The following RALGAPB variants were observed in gnomAD, a reference collection of about 807,000 sequenced individuals.
RALGAPB encodes the protein ral GTPase-activating protein subunit beta.
In RALGAPB, 25 loss-of-function variants were observed where a neutral mutation model predicts 161.1. The ratio of observed to expected loss-of-function variants is 0.16; its 90% CI spans 0.11 to 0.22. The LOEUF (loss-of-function observed/expected upper bound fraction) is 0.22. Among genes scored for constraint, RALGAPB ranks in the 10% least tolerant of loss-of-function variants. The pLI, the probability that RALGAPB is intolerant of heterozygous loss-of-function variation, is 1.00. For missense variants in RALGAPB, 1,391 were observed against 1,815.2 expected (o/e 0.77, Z 4.25); for synonymous variants, 629 against 626.1 (o/e 1.00, Z -0.07).
chr20:38,547,030 A>G (rs1353340317), intron 19 of RALGAPB: 6 of 152,338 alleles, frequency 3.9e-5, no homozygotes, highest in African/African-American at 1.4e-4. Context: ...CAGTTCTAAC[A>G]TGTGTTTTCC....
chr20:38,551,032 G>A, intron 20 of RALGAPB, 39 bp from the exon 21 acceptor site: 1 of 1,603,426 alleles, frequency 6.2e-7, no homozygotes, highest in Non-Finnish European at 8.5e-7. Flanking sequence ...ATGGGTATTG[G>A]ACCCTGTGTA....
chr20:38,528,114 A>G (rs2086527272), intron 13 of RALGAPB, among the ~76,000 whole-genome samples: 1 of 152,114 alleles, frequency 6.6e-6, no homozygotes. Flanking sequence ...TTATTTTGTA[A>G]TTTTTGTTTT....
Position 38,546,309 on chromosome 20 carries a change from T to C in RALGAPB, c.2781T>C (p.Asn927=). The C allele has an allele frequency of 6.2e-7, 1 of 1,614,178 alleles. No individual in the cohort carries two copies. The highest frequency in any genetic ancestry group is 1.7e-5 in the Admixed American group (1 of 60,022). ...CTGCCTCTCCTTGTAGTCTTGTGAA[T>C]GAGACCACTTTGATTAAATACTCCA... ...SGPASPCSLV[N]ETTLIKYSRL... Residue 927 remains asparagine, a synonymous_variant, in exon 19 of 30, where the codon AAT becomes AAC. Coordinates refer to ENST00000262879, the MANE Select transcript of RALGAPB (RefSeq NM_020336.4).
At position 38,510,763 on chromosome 20, in the gene RALGAPB, A is replaced by T. The variant is rs2085918462; in HGVS notation, c.872+1555A>T. On this transcript the variant is annotated intron_variant, in intron 6 of 29. Transcript: ENST00000262879. ...GTCTCTACTAAAAATACAAAAAATT[A>T]GCCGGGCGTAGTGGCGGGCGCCTGT... Among the ~76,000 whole-genome samples the T allele has an allele frequency of 2.1e-5, 3 of 141,066 alleles. 1 individual carries two copies. Among genetic ancestry groups the T allele is most frequent in the African/African-American group, 9.6e-5 (3 of 31,246 alleles). 92.5% of individuals were successfully genotyped at this position (141,066 alleles called of 152,430 possible). A position where few individuals can be genotyped will look rare whatever the true frequency, so the allele number is the denominator to read the frequency against.
chr20:38,534,150 A>C (rs1311067447), intron 15 of RALGAPB, among the ~76,000 whole-genome samples: 11 of 151,932 alleles, frequency 7.2e-5, no homozygotes, highest in Middle Eastern at 3.4e-3. Flanking sequence ...AAAAAAAAAA[A>C]AAAAAACAGA....
chr20:38,478,317 T>C (rs2084865586), intron 1 of RALGAPB, among the ~76,000 whole-genome samples: 2 of 152,244 alleles, frequency 1.3e-5, no homozygotes. Flanking sequence ...CTGTCTTACC[T>C]AACCTTCTAG....
At chr20:38,483,505 A>C (rs918058259) in intron 1 of RALGAPB, among the ~76,000 whole-genome samples, 1 of 152,220 alleles carries the variant, frequency 6.6e-6, no homozygotes, top group Non-Finnish European at 1.5e-5. Flanking sequence ...CATTTTTAAA[A>C]ATTGAGCTGT....
At chr20:38,535,000 A>G in intron 15 of RALGAPB, 74 bp from the exon 16 acceptor site, 1 of 1,520,602 alleles carries the variant, frequency 6.6e-7, no homozygotes, top group East Asian at 2.3e-5. Context: ...TGCCTAGTGG[A>G]TGCTGTGCTT....
At chr20:38,490,296 C>G (rs1324671807) in intron 2 of RALGAPB, among the ~76,000 whole-genome samples, 1 of 152,178 alleles carries the variant, frequency 6.6e-6, no homozygotes, top group Non-Finnish European at 1.5e-5. Context: ...GCAAGCTCCA[C>G]TTCCCGGGTT....
intron 16 of RALGAPB, chr20:38,538,270 A>T (rs919977007): frequency 5.6e-6 from 1 of 177,890 alleles, no homozygotes; most frequent in South Asian, 1.6e-4. Flanking sequence ...GCCATCCACC[A>T]TGTGCTGCTA....
At chr20:38,490,302 G>A (rs540491099) in intron 2 of RALGAPB, among the ~76,000 whole-genome samples, 4 of 151,974 alleles carry the variant, frequency 2.6e-5, no homozygotes, top group South Asian at 4.2e-4. Context: ...TCCACTTCCC[G>A]GGTTCACACC....
At chr20:38,511,543 T>C (rs1166046572) in intron 6 of RALGAPB, among the ~76,000 whole-genome samples, 2 of 152,076 alleles carry the variant, frequency 1.3e-5, no homozygotes, top group African/African-American at 4.8e-5. Context: ...TCTTAACGGG[T>C]ATGCTGCCTT....
chr20:38,513,469 G>A lies in RALGAPB; in HGVS notation c.873-2723G>A, dbSNP rs138037958. ...ACTCCAGCCCGGGCGACAGAGCGGC[G>A]GCGGTGGGGGGTGGGGGGGAAGCAA... On this transcript the variant is annotated intron_variant, in intron 6 of 29. Transcript: ENST00000262879. Among the ~76,000 whole-genome samples, 1,069 of 151,044 alleles carry A rather than the reference G, an allele frequency of 7.1e-3. 5 individuals carry two copies. The highest frequency in any genetic ancestry group is 0.012 in the Non-Finnish European group (813 of 67,616).
At chr20:38,487,050 G>T (rs1420192340) in intron 1 of RALGAPB, among the ~76,000 whole-genome samples, 1 of 152,222 alleles carries the variant, frequency 6.6e-6, no homozygotes, top group Non-Finnish European at 1.5e-5. Flanking sequence ...AGAGGAGTTG[G>T]TCTAAGGAGT....
Position 38,558,299 on chromosome 20 carries a change from C to A in RALGAPB, c.3377C>A (p.Pro1126His). 1.3e-6 allele frequency: 2 copies of A among 1,506,022 alleles called. No homozygotes were observed. The highest frequency in any genetic ancestry group is 2.8e-5 in the South Asian group (2 of 72,274). The allele number at this position is 1,506,022 out of a possible 1,614,324, so 93.3% of individuals were successfully genotyped here. ...CCTTTCTTCTTTTGGTGGCAGGAAC[C>A]TGCAAATAGTCGTCTACCTCCTCAC... is the stretch of plus-strand genomic sequence containing the variant. ...GFLSLEALKE[P>H]ANSRLPPHLI... The change falls in exon 23 of 30, where the codon CCT (proline) becomes CAT (histidine). Residue 1126 changes from proline to histidine, a missense_variant. Transcript: ENST00000262879.
At chr20:38,482,541 C>T (rs1164787282) in intron 1 of RALGAPB, among the ~76,000 whole-genome samples, 1 of 149,472 alleles carries the variant, frequency 6.7e-6, no homozygotes, top group Non-Finnish European at 1.5e-5. Context: ...GATTCTACTG[C>T]CTCAGCCTCC....
chr20:38,571,316 C>T (rs576683061), intron 28 of RALGAPB, among the ~76,000 whole-genome samples: 2 of 152,240 alleles, frequency 1.3e-5, no homozygotes, highest in South Asian at 4.1e-4. Flanking sequence ...TACTGTTGAT[C>T]TTTAGGACTT....
Position 38,521,801 on chromosome 20 carries a change from A to G in RALGAPB, c.1619+103A>G, listed in dbSNP as rs534092658. 410 of 1,178,388 alleles carry G rather than the reference A, an allele frequency of 3.5e-4. 2 individuals are homozygous for G. In the African/African-American group the frequency reaches 5.2e-3, roughly 15 times the overall value. 73.0% of individuals were successfully genotyped at this position (1,178,388 alleles called of 1,614,324 possible). A position where few individuals can be genotyped will look rare whatever the true frequency, so the allele number is the denominator to read the frequency against. On this transcript the variant is annotated intron_variant, in intron 10 of 29. Coordinates refer to ENST00000262879, the MANE Select transcript of RALGAPB (RefSeq NM_020336.4). ...TGAGTGATGTTGGTCTGAAATACCT[A>G]CAGATGTCTGTAAGTGATCGACATT...
intron 28 of RALGAPB, among the ~76,000 whole-genome samples, chr20:38,572,096 A>C (rs1278507127): frequency 1.3e-5 from 2 of 152,200 alleles, no homozygotes; most frequent in African/African-American, 4.8e-5. Context: ...GCAATATTAG[A>C]TTGAAATAAT....
Sources: gnomAD v4.1 joint callset for allele counts (sites outside exome capture counted in the v4.1 genomes callset) on GRCh38, gnomAD v4.1.1 for gene constraint, MANE v1.5 for transcripts, NCBI Gene and HGNC (gene_info 2026-07-23, HGNC 2026-07-21) for gene names.